Variants in CNTNAP5 observed in about 807,000 individuals in gnomAD.
CNTNAP5 encodes the protein contactin associated protein family member 5, also known as contactin-associated protein-like 5.
In CNTNAP5, 72 loss-of-function variants were observed where a neutral mutation model predicts 150.2. The observed-to-expected ratio is 0.48, with a 90% confidence interval of 0.40 to 0.58. The LOEUF (loss-of-function observed/expected upper bound fraction) is 0.58, where lower values mean the gene tolerates loss of function less well. Among genes scored for constraint, CNTNAP5 ranks in the 20% least tolerant of loss-of-function variants. CNTNAP5 has a pLI of 0.00. For synonymous variants in CNTNAP5, 672 were observed against 619.8 expected, an observed-to-expected ratio of 1.08 and a Z score of -1.25; for missense variants, 1,636 against 1,626.2, an observed-to-expected ratio of 1.01 and a Z score of -0.10.
At chr2:124,686,100 T>C (rs1679188423) in intron 13 of CNTNAP5, among the ~76,000 whole-genome samples, 1 of 152,056 alleles carries the variant, frequency 6.6e-6, no homozygotes, top group Non-Finnish European at 1.5e-5. Context: ...TGGTGAACAG[T>C]CTCCTACTCT....
chr2:124,252,093 A>G (rs1687194622), intron 3 of CNTNAP5, among the ~76,000 whole-genome samples: 1 of 152,198 alleles, frequency 6.6e-6, no homozygotes, highest in Admixed American at 6.5e-5. Flanking sequence ...ATGCCTGGGC[A>G]TCCTCCAGGC....
At position 124,504,451 on chromosome 2, in the gene CNTNAP5, A is replaced by G; in HGVS notation, c.1222A>G (p.Thr408Ala). The change falls in exon 8 of 24, where the codon ACA (threonine) becomes GCA (alanine). Residue 408 changes from threonine (T) to alanine (A), a missense_variant. By Grantham distance (58) the Thr-to-Ala change is moderately conservative. Transcript: ENST00000682447. ...GAACAAGGATGGTCTGCTTCTGTCC[A>G]CAGAGCTGTCTGAGGGCTCGGGAAC... ...TWNKDGLLLS[T>A]ELSEGSGTLL... The G allele has an allele frequency of 6.2e-7, 1 of 1,613,806 alleles. No homozygotes were observed. Among genetic ancestry groups the G allele is most frequent in the Non-Finnish European group, 8.5e-7 (1 of 1,179,828 alleles).
intron 3 of CNTNAP5, among the ~76,000 whole-genome samples, chr2:124,357,045 C>T (rs1027075873): frequency 2.2e-4 from 33 of 152,272 alleles, no homozygotes; most frequent in African/African-American, 6.5e-4. Flanking sequence ...CTTTGCATTT[C>T]TCTGATGGCC....
chr2:124,790,775 A>T (rs749536302), intron 18 of CNTNAP5, among the ~76,000 whole-genome samples: 6 of 152,154 alleles, frequency 3.9e-5, no homozygotes, highest in Admixed American at 2.6e-4. Flanking sequence ...AGTTCATTAC[A>T]TTGACACAAA....
intron 3 of CNTNAP5, among the ~76,000 whole-genome samples, chr2:124,396,801 C>T (rs937017085): frequency 7.9e-5 from 12 of 152,132 alleles, no homozygotes; most frequent in African/African-American, 2.7e-4. Flanking sequence ...GCTAACCTGT[C>T]AACAACAACA....
chr2:124,186,015 A>T (rs764879756), intron 1 of CNTNAP5, among the ~76,000 whole-genome samples: 2 of 152,250 alleles, frequency 1.3e-5, no homozygotes, highest in Non-Finnish European at 2.9e-5. Flanking sequence ...TATGTATTGT[A>T]TAGAGCAGCT....
At position 124,763,764 on chromosome 2, in the gene CNTNAP5, C is replaced by T; in HGVS notation, c.2327C>T (p.Ala776Val). The T allele has an allele frequency of 6.2e-7, 1 of 1,613,138 alleles. No individual in the cohort carries two copies. Among genetic ancestry groups the T allele is most frequent in the Non-Finnish European group, 8.5e-7 (1 of 1,179,442 alleles). ...ACCGACAGATCAAACTCAGAAGCCG[C>T]TTGGAGAATTGGTCCCTTGCGTTGC... ...TDTDRSNSEA[A>V]WRIGPLRCYG... Residue 776 changes from alanine (A) to valine (V), a missense_variant, in exon 15 of 24, where the codon GCT (alanine) becomes GTT (valine). Ala to Val is a moderately conservative substitution (Grantham distance 64). Transcript: ENST00000682447.
At chr2:124,738,068 A>T (rs1466150561) in intron 13 of CNTNAP5, among the ~76,000 whole-genome samples, 7 of 152,158 alleles carry the variant, frequency 4.6e-5, no homozygotes, top group Admixed American at 6.6e-5. Context: ...TACATATCAG[A>T]TATTTTACTT....
At chr2:124,831,093 C>T (rs1682707619) in intron 19 of CNTNAP5, among the ~76,000 whole-genome samples, 1 of 151,908 alleles carries the variant, frequency 6.6e-6, no homozygotes, top group Non-Finnish European at 1.5e-5. Flanking sequence ...AATATCAAAG[C>T]TCAATCTTTA....
intron 11 of CNTNAP5, among the ~76,000 whole-genome samples, chr2:124,567,145 C>CT (rs1696042164): frequency 6.6e-6 from 1 of 152,130 alleles, no homozygotes; most frequent in Non-Finnish European, 1.5e-5. Flanking sequence ...AGAGGACAGA[C>CT]TTAGGACAGA....
intron 1 of CNTNAP5, among the ~76,000 whole-genome samples, chr2:124,154,201 G>T (rs188990664): frequency 6.6e-6 from 1 of 152,146 alleles, no homozygotes; most frequent in Non-Finnish European, 1.5e-5. Flanking sequence ...TGAGCCAGAA[G>T]GAGCCTGGTT....
chr2:124,135,716 A>G lies in CNTNAP5; in HGVS notation c.83-85989A>G, dbSNP rs149705408. Among the ~76,000 whole-genome samples the G allele has an allele frequency of 7.2e-5, 11 of 152,144 alleles. No homozygotes were observed. In the East Asian group the frequency reaches 2.1e-3, roughly 29 times the overall value. On this transcript the variant is annotated intron_variant, in intron 1 of 23. Coordinates refer to ENST00000682447, the MANE Select transcript of CNTNAP5 (RefSeq NM_001367498.1). ...CAGTGTCTACACATCCCTGTCAAAT[A>G]TTTCTCACCACCAAAAATCTAGGTG...
intron 7 of CNTNAP5, among the ~76,000 whole-genome samples, chr2:124,491,988 T>C (rs539018668): frequency 6.6e-6 from 1 of 152,240 alleles, no homozygotes; most frequent in Admixed American, 6.5e-5. Context: ...TATTGAGTTA[T>C]ATTATGAGTT....
At chr2:124,485,691 G>A (rs956652426) in intron 7 of CNTNAP5, among the ~76,000 whole-genome samples, 2 of 151,092 alleles carry the variant, frequency 1.3e-5, no homozygotes, top group African/African-American at 4.9e-5. Context: ...GAAGCTTGCC[G>A]GAAAACTTAG....
intron 3 of CNTNAP5, among the ~76,000 whole-genome samples, chr2:124,260,648 A>G (rs1317347190): frequency 6.6e-6 from 1 of 152,228 alleles, no homozygotes; most frequent in Non-Finnish European, 1.5e-5. Flanking sequence ...CAGCATCTAC[A>G]ATGAACTCAA....
At chr2:124,107,992 T>G (rs1683205566) in intron 1 of CNTNAP5, among the ~76,000 whole-genome samples, 1 of 152,238 alleles carries the variant, frequency 6.6e-6, no homozygotes, top group African/African-American at 2.4e-5. Flanking sequence ...TTGATCTACC[T>G]TTCACTGAAT....
chr2:124,611,049 G>A (rs1463219909), intron 12 of CNTNAP5, among the ~76,000 whole-genome samples: 2 of 138,290 alleles, frequency 1.4e-5, no homozygotes, highest in Non-Finnish European at 3.1e-5. Flanking sequence ...TTTGTTTCAA[G>A]CACTGGTCTT....
At chr2:124,878,701 C>CT (rs547474489) in intron 21 of CNTNAP5, among the ~76,000 whole-genome samples, 9,824 of 143,692 alleles carry the variant, frequency 0.068, 1,026 homozygotes, top group African/African-American at 0.23. Context: ...TTGTTCTTTT[C>CT]TTTTTTTTTT....
chr2:124,063,983 A>G (rs1383035613), intron 1 of CNTNAP5, among the ~76,000 whole-genome samples: 1 of 152,156 alleles, frequency 6.6e-6, no homozygotes, highest in Non-Finnish European at 1.5e-5. Context: ...AATCCTAAGA[A>G]AACATATTGC....
Sources: gnomAD v4.1 joint callset for allele counts (sites outside exome capture counted in the v4.1 genomes callset) on GRCh38, gnomAD v4.1.1 for gene constraint, MANE v1.5 for transcripts, NCBI Gene and HGNC (gene_info 2026-07-23, HGNC 2026-07-21) for gene names.